The following TMPO variants were observed in gnomAD, a reference collection of about 807,000 sequenced individuals.
TMPO encodes thymopoietin.
Under a neutral mutation model 45.4 loss-of-function variants are expected in TMPO, and 22 were observed. The ratio of observed to expected loss-of-function variants is 0.48; its 90% CI spans 0.35 to 0.69. TMPO has a LOEUF of 0.69. Ranked by LOEUF, TMPO falls within the 30% of genes least tolerant of loss-of-function variation. The probability of loss-of-function intolerance (pLI) is 0.01; values close to 1 mark genes in which losing one functional copy is unlikely to be tolerated. For synonymous variants in TMPO, 241 were observed against 204.1 expected, an observed-to-expected ratio of 1.18 and a Z score of -1.54; for missense variants, 512 against 548.8, an observed-to-expected ratio of 0.93 and a Z score of 0.67.
At chr12:98,533,201 A>G in intron 3 of TMPO, 1 of 1,614,114 alleles carries the variant, frequency 6.2e-7, no homozygotes, top group East Asian at 2.2e-5. Context: ...TCACTGATTA[A>G]AGAAACCACC....
chr12:98,544,586 C>T (rs1338776079), intron 6 of TMPO, 49 bp downstream of exon 6: 1 of 1,469,210 alleles, frequency 6.8e-7, no homozygotes, highest in African/African-American at 1.4e-5. Context: ...GTAAATTACC[C>T]TTTAATTGGA....
At chr12:98,535,562 T>C in intron 3 of TMPO, 2 of 985,346 alleles carry the variant, frequency 2.0e-6, no homozygotes, top group Non-Finnish European at 2.4e-6. Flanking sequence ...TACTGAGTGC[T>C]ATGTGATTTT....
chr12:98,530,188 A>C (rs75748302), intron 2 of TMPO, among the ~76,000 whole-genome samples: 1 of 151,956 alleles, frequency 6.6e-6, no homozygotes, highest in Admixed American at 6.6e-5. Flanking sequence ...AAAAAAAAAA[A>C]GTAGCCAGGC....
Position 98,545,020 on chromosome 12 carries a change from A to T in TMPO, c.949A>T (p.Ile317Leu), listed in dbSNP as rs368800243. ...TCTGCCAATCACTGAATTCTCAGACATACCCAGAAGAGCACCAAAGAAACC... is the reference window on the plus strand; with the variant it reads ...TCTGCCAATCACTGAATTCTCAGACTTACCCAGAAGAGCACCAAAGAAACC... The part of the protein sequence containing the change: ...PILPITEFSD[I>L]PRRAPKKPLT... Residue 317 changes from isoleucine to leucine, a missense_variant, in exon 7 of 9, where the codon ATA becomes TTA. This residue lies in a region of TMPO where 209 missense variants were observed against 235.1 expected (regional missense o/e 0.89). Transcript: ENST00000556029. 245 of 1,613,784 alleles carry T rather than the reference A, an allele frequency of 1.5e-4. No individual in the cohort carries two copies. The highest frequency in any genetic ancestry group is 2.0e-4 in the Non-Finnish European group (241 of 1,179,942).
chr12:98,544,591 A>G, intron 6 of TMPO, 54 bp downstream of exon 6: 5 of 1,429,614 alleles, frequency 3.5e-6, no homozygotes, highest in Non-Finnish European at 4.9e-6. Context: ...TTACCCTTTA[A>G]TTGGAAATGG....
chr12:98,546,661 A>G (rs1331263498), intron 8 of TMPO, among the ~76,000 whole-genome samples: 2 of 152,098 alleles, frequency 1.3e-5, no homozygotes, highest in African/African-American at 2.4e-5. Flanking sequence ...GGGCAACATA[A>G]TGAGACTCTG....
In TMPO at chr12:98,540,337, T is replaced by C. The variant is rs574019756; in HGVS notation, c.663+2765T>C. On this transcript the variant is annotated intron_variant, in intron 4 of 8. Coordinates refer to ENST00000556029, the MANE Select transcript of TMPO (RefSeq NM_001032283.3). ...AGCTATTGAATACTTCGATGGTGAC[T>C]AGTGAGGCTGAGAAACTCTGTTTTG... Among the ~76,000 whole-genome samples the C allele has an allele frequency of 2.6e-5, 4 of 152,332 alleles. No homozygotes were observed. The South Asian group carries it at 6.2e-4, about 24-fold the overall frequency.
rs1348130942 is a variant in TMPO, at chr12:98,547,785, A to G, written c.1292A>G (p.Tyr431Cys). Reference protein sequence around the residue: ...VVVAVFLFLVYQAMETNQVNP... With the variant: ...VVVAVFLFLVCQAMETNQVNP... Reference sequence around the variant, plus strand: ...GTGGCAGTTTTTTTGTTTTTGGTCTATCAAGCTATGGAAACCAACCAAGTA... The same window carrying G: ...GTGGCAGTTTTTTTGTTTTTGGTCTGTCAAGCTATGGAAACCAACCAAGTA... The change falls in exon 9 of 9, where the codon TAT becomes TGT. Residue 431 changes from tyrosine to cysteine, a missense_variant. Tyr to Cys is a radical substitution (Grantham distance 194). Around this residue, in one of 3 missense-constraint regions of TMPO, gnomAD observed 209 missense variants for 235.1 expected, o/e 0.89. Transcript: ENST00000556029. 1.2e-6 allele frequency: 2 copies of G among 1,614,152 alleles called. No homozygotes were observed. The highest frequency in any genetic ancestry group is 2.2e-5 in the East Asian group (1 of 44,894).
Position 98,547,670 on chromosome 12 carries a change from A to C in TMPO, c.1177A>C (p.Lys393Gln). 6.2e-7 allele frequency: 1 copy of C among 1,614,184 alleles called. No homozygotes were observed. The highest frequency in any genetic ancestry group is 1.6e-4 in the Middle Eastern group (1 of 6,062). The change falls in exon 9 of 9, where the codon AAG becomes CAG. Residue 393 changes from lysine (K) to glutamine (Q), a missense_variant. By Grantham distance (53) the Lys-to-Gln change is moderately conservative. This residue lies in a region of TMPO where 209 missense variants were observed against 235.1 expected (regional missense o/e 0.89). Transcript: ENST00000556029. ...EESFSSKYVPKYVPLADVKSE... is the reference protein window; with the variant it reads ...EESFSSKYVPQYVPLADVKSE... ...GTCTTTTTCATCTAAATATGTTCCT[A>C]AGTATGTTCCCTTGGCAGATGTCAA...
Position 98,533,619 on chromosome 12 carries a change from C to A in TMPO, c.565+1781C>A, listed in dbSNP as rs371731646. On this transcript the variant is annotated intron_variant, in intron 3 of 8. Transcript: ENST00000556029. ...TGGCATTTCAGAACATACCTGGATCCGAACTGATGTCTTCTTTTGCCAAAA... is the reference window on the plus strand; with the variant it reads ...TGGCATTTCAGAACATACCTGGATCAGAACTGATGTCTTCTTTTGCCAAAA... 2 of 1,613,978 alleles carry A rather than the reference C, an allele frequency of 1.2e-6. No individual in the cohort carries two copies. Among genetic ancestry groups the A allele is most frequent in the Non-Finnish European group, 1.7e-6 (2 of 1,180,010 alleles).
intron 4 of TMPO, among the ~76,000 whole-genome samples, chr12:98,540,649 A>G (rs147736237): frequency 1.3e-5 from 2 of 152,298 alleles, no homozygotes; most frequent in East Asian, 3.9e-4. Flanking sequence ...AAATGCTGGG[A>G]TTACAGGCGT....
At chr12:98,534,538 A>T in intron 3 of TMPO, 1 of 1,385,274 alleles carries the variant, frequency 7.2e-7, no homozygotes, top group Non-Finnish European at 9.3e-7. Flanking sequence ...GTAGATAGGA[A>T]GCCTGGTACA....
intron 3 of TMPO, chr12:98,532,915 C>G: frequency 6.2e-7 from 1 of 1,614,090 alleles, no homozygotes; most frequent in Non-Finnish European, 8.5e-7. Context: ...TGGATTTTTT[C>G]AGGGTATTTC....
At chr12:98,523,820 C>T (rs1328525946) in intron 1 of TMPO, among the ~76,000 whole-genome samples, 3 of 152,048 alleles carry the variant, frequency 2.0e-5, no homozygotes, top group Non-Finnish European at 4.4e-5. Context: ...GGACTATAGG[C>T]GTGTGCCATC....
In TMPO at chr12:98,531,778, G is replaced by A; in HGVS notation, c.505G>A (p.Ala169Thr). 1 of 1,613,846 alleles carries A rather than the reference G, an allele frequency of 6.2e-7. No homozygotes were observed. Residue 169 changes from alanine to threonine, a missense_variant, in exon 3 of 9, where the codon GCA becomes ACA. Around this residue, in one of 3 missense-constraint regions of TMPO, gnomAD observed 299 missense variants for 296.7 expected, o/e 1.01. Coordinates refer to ENST00000556029, the MANE Select transcript of TMPO (RefSeq NM_001032283.3). ...STPLPTISSS[A>T]ENTRQNGSND... ...TCCTCTGCCAACAATTTCTTCTTCA[G>A]CAGAAAATACAAGGCAGAATGGAAG...
intron 1 of TMPO, among the ~76,000 whole-genome samples, chr12:98,521,179 C>T (rs1876337135): frequency 7.1e-6 from 1 of 140,706 alleles, no homozygotes; most frequent in African/African-American, 2.7e-5. Context: ...GTGATCTCCA[C>T]TCACTGCAAG....
chr12:98,548,093 G>T lies in TMPO; in HGVS notation c.*235G>T. 7.3e-6 allele frequency: 3 copies of T among 408,586 alleles called. No homozygotes were observed. Among genetic ancestry groups the T allele is most frequent in the Non-Finnish European group, 1.3e-5 (3 of 234,074 alleles). 25.3% of individuals were successfully genotyped at this position (408,586 alleles called of 1,614,324 possible). ...CATATGAATAATCTTTTTTAGCTCT[G>T]GAACTTTTTGTAGGCTTTATTTTTT... On this transcript the variant is annotated 3_prime_UTR_variant, in exon 9 of 9. Coordinates refer to ENST00000556029, the MANE Select transcript of TMPO (RefSeq NM_001032283.3).
rs150391454 is a variant in TMPO, at chr12:98,538,147, A to G, written c.663+575A>G. Among the ~76,000 whole-genome samples, 253 of 152,274 alleles carry G rather than the reference A, an allele frequency of 1.7e-3. 1 individual carries two copies. Among genetic ancestry groups the G allele is most frequent in the African/African-American group, 5.8e-3 (241 of 41,564 alleles). On this transcript the variant is annotated intron_variant, in intron 4 of 8. Transcript: ENST00000556029. ...ATAGGTATAAATGAACAGAGAACAAATTATTGACTAACCTAGTATTGTTTA... is the reference window on the plus strand; with the variant it reads ...ATAGGTATAAATGAACAGAGAACAAGTTATTGACTAACCTAGTATTGTTTA...
Position 98,545,006 on chromosome 12 carries a change from C to T in TMPO, c.935C>T (p.Thr312Ile), listed in dbSNP as rs1377337833. ...CATGCATCTCCTATTCTGCCAATCA[C>T]TGAATTCTCAGACATACCCAGAAGA... ...FKHASPILPITEFSDIPRRAP... is the reference protein window; with the variant it reads ...FKHASPILPIIEFSDIPRRAP... The change falls in exon 7 of 9, where the codon ACT becomes ATT. Residue 312 changes from threonine to isoleucine, a missense_variant. Coordinates refer to ENST00000556029, the MANE Select transcript of TMPO (RefSeq NM_001032283.3). 1 of 1,613,702 alleles carries T rather than the reference C, an allele frequency of 6.2e-7. No individual in the cohort carries two copies. The highest frequency in any genetic ancestry group is 8.5e-7 in the Non-Finnish European group (1 of 1,179,986).
Sources: allele counts gnomAD v4.1 joint callset (sites outside exome capture counted in the v4.1 genomes callset), GRCh38; gene constraint gnomAD v4.1.1; regional missense constraint gnomAD v4.1.1; transcripts MANE v1.5; gene names NCBI Gene and HGNC (gene_info 2026-07-23, HGNC 2026-07-21).